Variants in AFF3 observed in about 807,000 individuals in gnomAD.
The protein encoded by AFF3 is AF4/FMR2 family member 3.
AFF3 carries 32 observed loss-of-function variants against 129.7 expected under a neutral mutation model. The ratio of observed to expected loss-of-function variants is 0.25; its 90% CI spans 0.19 to 0.33. AFF3 has a LOEUF of 0.33. Ranked by LOEUF, AFF3 falls within the 10% of genes least tolerant of loss-of-function variation. The probability of loss-of-function intolerance (pLI) is 1.00; values close to 1 mark genes in which losing one functional copy is unlikely to be tolerated. For synonymous variants in AFF3, 644 were observed against 635.4 expected (o/e 1.01, Z -0.20); for missense variants, 1,373 against 1,592.0 (o/e 0.86, Z 2.34).
In AFF3 at chr2:99,778,895, CGCGT is replaced by C. The variant is rs1319462516; in HGVS notation, c.922-26598_922-26595del. ...TTGTGTGTGTGTGTGTGTGTGTGTG[CGCGT>C]GTGTGTGTGTGTGTGTGTGTGTGTG... is the stretch of plus-strand genomic sequence containing the variant. On this transcript the variant is annotated intron_variant, in intron 8 of 24. Transcript: ENST00000672756. Among the ~76,000 whole-genome samples the C allele has an allele frequency of 1.2e-3, 165 of 137,202 alleles. 2 individuals carry two copies. Among genetic ancestry groups the C allele is most frequent in the Admixed American group, 4.4e-3 (64 of 14,412 alleles). The allele number at this position is 137,202 out of a possible 152,430, so 90.0% of individuals were successfully genotyped here.
chr2:99,884,973 G>T (rs1692996891), intron 7 of AFF3, among the ~76,000 whole-genome samples: 1 of 152,060 alleles, frequency 6.6e-6, no homozygotes, highest in African/African-American at 2.4e-5. Context: ...CATATAGCTT[G>T]CCAACTGCCC....
chr2:99,974,205 A>C (rs553505848), intron 7 of AFF3, among the ~76,000 whole-genome samples: 1 of 152,028 alleles, frequency 6.6e-6, no homozygotes, highest in African/African-American at 2.4e-5. Flanking sequence ...AAATGTGATA[A>C]TTTTTTTTAA....
At chr2:100,127,573 C>T (rs1015823526) in intron 2 of AFF3, among the ~76,000 whole-genome samples, 17 of 152,166 alleles carry the variant, frequency 1.1e-4, no homozygotes, top group Admixed American at 1.0e-3. Flanking sequence ...TCTTCCATGC[C>T]ACTGCTGCAC....
chr2:100,099,860 G>A (rs1008435518), intron 4 of AFF3, among the ~76,000 whole-genome samples: 23 of 152,042 alleles, frequency 1.5e-4, no homozygotes, highest in Admixed American at 1.1e-3. Flanking sequence ...AGTAATAAGC[G>A]TTATTTCATG....
At chr2:99,648,885 G>GCGCACA (rs1553416868) in intron 13 of AFF3, among the ~76,000 whole-genome samples, 1 of 93,764 alleles carries the variant, frequency 1.1e-5, no homozygotes, top group Non-Finnish European at 2.1e-5. Flanking sequence ...AAACACGCGC[G>GCGCACA]CACACACACA....
intron 8 of AFF3, among the ~76,000 whole-genome samples, chr2:99,781,496 T>C (rs1291763662): frequency 1.3e-5 from 2 of 152,244 alleles, no homozygotes; most frequent in Non-Finnish European, 2.9e-5. Context: ...CAGGCCAAAC[T>C]GGCCTGCCAC....
At chr2:100,062,281 T>C (rs928496047) in intron 4 of AFF3, among the ~76,000 whole-genome samples, 2 of 152,202 alleles carry the variant, frequency 1.3e-5, no homozygotes, top group African/African-American at 2.4e-5. Context: ...GGAGTGCCCA[T>C]GTGGAAGGCC....
rs756174447 is a variant in AFF3, at chr2:99,593,803, C to T, written c.1858G>A (p.Val620Ile). Residue 620 changes from valine (V) to isoleucine (I), a missense_variant, in exon 15 of 25, where the codon GTC becomes ATC. Transcript: ENST00000672756. ...CTGGTTTTGGTGGGCTCCGGGGGGA[C>T]CACCACGCTCGTCCCCAGCGCGTCC... ...AADALGTSVV[V>I]PPEPTKTRPC... The T allele has an allele frequency of 5.6e-6, 9 of 1,610,894 alleles. No homozygotes were observed. The highest frequency in any genetic ancestry group is 2.2e-5 in the East Asian group (1 of 44,838).
intron 4 of AFF3, among the ~76,000 whole-genome samples, chr2:100,033,479 C>T (rs899800776): frequency 2.0e-5 from 3 of 152,164 alleles, no homozygotes; most frequent in Admixed American, 6.5e-5. Context: ...CTGAAATTAA[C>T]TCAAACCATT....
chr2:99,944,495 C>A (rs984298214), intron 7 of AFF3, among the ~76,000 whole-genome samples: 1 of 152,220 alleles, frequency 6.6e-6, no homozygotes, highest in African/African-American at 2.4e-5. Flanking sequence ...TTGGTCAATG[C>A]TTCCCATTCC....
chr2:99,937,602 T>C (rs1163607176), intron 7 of AFF3, among the ~76,000 whole-genome samples: 1 of 152,198 alleles, frequency 6.6e-6, no homozygotes, highest in African/African-American at 2.4e-5. Context: ...TTTTACCATA[T>C]TGACCAGGGT....
At chr2:99,592,481 C>T (rs1465601837) in intron 15 of AFF3, among the ~76,000 whole-genome samples, 2 of 152,212 alleles carry the variant, frequency 1.3e-5, no homozygotes, top group Non-Finnish European at 2.9e-5. Flanking sequence ...TGAGTGATCC[C>T]ACCATCAATG....
At chr2:99,608,043 G>A (rs1427673624) in intron 13 of AFF3, among the ~76,000 whole-genome samples, 1 of 152,138 alleles carries the variant, frequency 6.6e-6, no homozygotes. Context: ...TTCCAAGAAT[G>A]ATTTCTCTAT....
intron 7 of AFF3, among the ~76,000 whole-genome samples, chr2:99,963,023 G>GA (rs1389676232): frequency 5.3e-5 from 8 of 151,680 alleles, no homozygotes; most frequent in African/African-American, 1.9e-4. Flanking sequence ...TCAAGACGAA[G>GA]AAAAAACCTT....
chr2:99,584,650 T>C (rs1677916216), intron 16 of AFF3, among the ~76,000 whole-genome samples: 1 of 152,210 alleles, frequency 6.6e-6, no homozygotes, highest in Non-Finnish European at 1.5e-5. Context: ...ATGTATATTA[T>C]ATTGTTAGGC....
At chr2:99,746,177 T>TA (rs796726425) in intron 9 of AFF3, among the ~76,000 whole-genome samples, 3,108 of 143,960 alleles carry the variant, frequency 0.022, 80 homozygotes, top group African/African-American at 0.066. Context: ...AATAGGAATG[T>TA]AAAAAAAAAA....
At chr2:99,816,758 T>C (rs2105639582) in intron 8 of AFF3, among the ~76,000 whole-genome samples, 1 of 152,258 alleles carries the variant, frequency 6.6e-6, no homozygotes, top group East Asian at 1.9e-4. Flanking sequence ...CTTGGTGGTG[T>C]GTCCTTCACA....
In AFF3 at chr2:99,594,231, G is replaced by C; in HGVS notation, c.1430C>G (p.Pro477Arg). ...QLDKWLNKVN[P>R]HKPPILIQNE... ...TTGGATCAGAATAGGAGGCTTGTGG[G>C]GATTAACTTTGTTTAGCCATTTATC... is the stretch of plus-strand genomic sequence containing the variant. The change falls in exon 15 of 25, where the codon CCC (proline) becomes CGC (arginine). Residue 477 changes from proline to arginine, a missense_variant. Physicochemically the swap from Pro to Arg is moderately radical, Grantham distance 103. Around this residue, in one of 9 missense-constraint regions of AFF3, gnomAD observed 413 missense variants for 424.4 expected, o/e 0.97. Coordinates refer to ENST00000672756, the MANE Select transcript of AFF3 (RefSeq NM_001386135.1). 1 of 1,613,116 alleles carries C rather than the reference G, an allele frequency of 6.2e-7. No homozygotes were observed. Among genetic ancestry groups the C allele is most frequent in the Non-Finnish European group, 8.5e-7 (1 of 1,179,412 alleles).
chr2:99,890,569 C>T (rs1026523502), intron 7 of AFF3, among the ~76,000 whole-genome samples: 4 of 152,100 alleles, frequency 2.6e-5, no homozygotes, highest in Admixed American at 6.6e-5. Flanking sequence ...GCAGGAGCCC[C>T]GGAGCAGGAG....
Sources: allele counts gnomAD v4.1 joint callset (sites outside exome capture counted in the v4.1 genomes callset), GRCh38; gene constraint gnomAD v4.1.1; regional missense constraint gnomAD v4.1.1; transcripts MANE v1.5; gene names NCBI Gene and HGNC (gene_info 2026-07-23, HGNC 2026-07-21).